Variants in GOT2 observed in about 807,000 individuals in gnomAD.
The protein encoded by GOT2 is glutamic-oxaloacetic transaminase 2.
In GOT2, 17 loss-of-function variants were observed where a neutral mutation model predicts 50.0. The ratio of observed to expected loss-of-function variants is 0.34; its 90% CI spans 0.23 to 0.51. The LOEUF (loss-of-function observed/expected upper bound fraction) is 0.51. Among genes scored for constraint, GOT2 ranks in the 20% least tolerant of loss-of-function variants. The probability of loss-of-function intolerance (pLI) is 0.97; values close to 1 mark genes in which losing one functional copy is unlikely to be tolerated. For missense variants in GOT2, 430 were observed against 559.6 expected (o/e 0.77, Z 2.34); for synonymous variants, 172 against 204.9 (o/e 0.84, Z 1.37).
chr16:58,716,727 G>C lies in GOT2; in HGVS notation c.789C>G (p.His263Gln), dbSNP rs1367401882. The C allele has an allele frequency of 6.2e-7, 1 of 1,613,968 alleles. No individual in the cohort carries two copies. The highest frequency in any genetic ancestry group is 8.5e-7 in the Non-Finnish European group (1 of 1,179,820). ...DGDKDAWAVRHFIEQGINVCL... is the reference protein window; with the variant it reads ...DGDKDAWAVRQFIEQGINVCL... ...AAACATTAATGCCCTGTTCGATGAA[G>C]TGGCGCACAGCCCAGGCATCCTTAT... is the stretch of plus-strand genomic sequence containing the variant. The change falls in exon 7 of 10, where the codon CAC becomes CAG. Residue 263 changes from histidine (H) to glutamine (Q), a missense_variant. His to Gln is a conservative substitution (Grantham distance 24). Transcript: ENST00000245206.
intron 2 of GOT2, 117 bp from the exon 3 acceptor site, chr16:58,722,395 G>A (rs1017341354): frequency 1.2e-5 from 12 of 1,006,030 alleles, no homozygotes; most frequent in African/African-American, 1.6e-5. Flanking sequence ...TTTTGAGATG[G>A]AGTTTTGCTC....
chr16:58,722,536 A>G (rs1452689724), intron 2 of GOT2, among the ~76,000 whole-genome samples: 2 of 151,710 alleles, frequency 1.3e-5, no homozygotes, highest in East Asian at 3.9e-4. Flanking sequence ...ACGCCCAGCT[A>G]ATTTTGTATT....
At chr16:58,716,631 G>T in intron 7 of GOT2, 32 bp downstream of exon 7, 1 of 1,593,958 alleles carries the variant, frequency 6.3e-7, no homozygotes, top group Non-Finnish European at 8.6e-7. Flanking sequence ...CCCAGCATGA[G>T]AGCATGTGTC....
At chr16:58,726,978 ACT>A (rs2044791188) in intron 1 of GOT2, among the ~76,000 whole-genome samples, 1 of 151,608 alleles carries the variant, frequency 6.6e-6, no homozygotes, top group Non-Finnish European at 1.5e-5. Flanking sequence ...ACACGGTGAA[ACT>A]CTGTCTCTAC....
chr16:58,713,764 T>C (rs1379652345), intron 8 of GOT2, among the ~76,000 whole-genome samples: 1 of 152,244 alleles, frequency 6.6e-6, no homozygotes, highest in Non-Finnish European at 1.5e-5. Context: ...CATGGTTTTA[T>C]GAACTCATAG....
chr16:58,718,622 T>C lies in GOT2; in HGVS notation c.502A>G (p.Ile168Val). The change falls in exon 5 of 10, where the codon ATC becomes GTC. Residue 168 changes from isoleucine to valine, a missense_variant. Ile to Val is a conservative substitution (Grantham distance 29). Coordinates refer to ENST00000245206, the MANE Select transcript of GOT2 (RefSeq NM_002080.4). ...AGCTGCATGCCAGCATCCCTGAAGA[T>C]GGGTGTGTGGTTTCCCCAGGTTGGT... is the stretch of plus-strand genomic sequence containing the variant. ...PKPTWGNHTP[I>V]FRDAGMQLQG... is the part of the protein sequence containing the mutation. 6.2e-7 allele frequency: 1 copy of C among 1,610,752 alleles called. No homozygotes were observed. Among genetic ancestry groups the C allele is most frequent in the Non-Finnish European group, 8.5e-7 (1 of 1,178,132 alleles).
intron 5 of GOT2, 52 bp from the exon 6 acceptor site, chr16:58,718,352 TTATC>T (rs773611368): frequency 1.4e-6 from 2 of 1,464,048 alleles, no homozygotes; most frequent in Non-Finnish European, 1.9e-6. Flanking sequence ...AGGAAATGGT[TTATC>T]TGAAATGCCA....
chr16:58,727,737 G>A (rs1337902778), intron 1 of GOT2, among the ~76,000 whole-genome samples: 4 of 152,194 alleles, frequency 2.6e-5, no homozygotes, highest in Non-Finnish European at 4.4e-5. Context: ...CCCAGAGGAC[G>A]TGACTTAGCA....
intron 1 of GOT2, among the ~76,000 whole-genome samples, chr16:58,730,772 G>T (rs1445922146): frequency 6.6e-6 from 1 of 152,172 alleles, no homozygotes; most frequent in Non-Finnish European, 1.5e-5. Flanking sequence ...CACACATATT[G>T]TAAGAACTCT....
chr16:58,714,912 C>T (rs373524860), intron 8 of GOT2, among the ~76,000 whole-genome samples: 1 of 151,990 alleles, frequency 6.6e-6, no homozygotes, highest in Non-Finnish European at 1.5e-5. Flanking sequence ...ATCTTTCCAC[C>T]TCAGCCTCCC....
At chr16:58,733,646 GC>G (rs1161113599) in intron 1 of GOT2, among the ~76,000 whole-genome samples, 1 of 151,962 alleles carries the variant, frequency 6.6e-6, no homozygotes, top group East Asian at 1.9e-4. Context: ...GAATGCCGGC[GC>G]CCCGGAAACC....
chr16:58,711,454 G>A (rs2044647429), intron 8 of GOT2, among the ~76,000 whole-genome samples: 1 of 152,126 alleles, frequency 6.6e-6, no homozygotes, highest in South Asian at 2.1e-4. Flanking sequence ...CCCATTTACA[G>A]TTTATCTCCC....
At chr16:58,723,449 T>C (rs1470117001) in intron 2 of GOT2, among the ~76,000 whole-genome samples, 1 of 152,184 alleles carries the variant, frequency 6.6e-6, no homozygotes, top group Non-Finnish European at 1.5e-5. Context: ...GGTCCTCTTA[T>C]GCACCTTCAG....
At chr16:58,720,350 T>C (rs756651497) in intron 3 of GOT2, among the ~76,000 whole-genome samples, 2 of 152,188 alleles carry the variant, frequency 1.3e-5, no homozygotes. Context: ...AAACAAGAAA[T>C]TACCATAGGT....
At chr16:58,731,599 T>C (rs1420191557) in intron 1 of GOT2, among the ~76,000 whole-genome samples, 1 of 152,250 alleles carries the variant, frequency 6.6e-6, no homozygotes, top group Non-Finnish European at 1.5e-5. Context: ...GCATCTTTTT[T>C]TTTCTTCATT....
rs553552237 is a variant in GOT2 at position 58,708,716 on chromosome 16, G to A, written c.1171-423C>T. Among the ~76,000 whole-genome samples the A allele has an allele frequency of 9.2e-5, 14 of 152,234 alleles. No individual in the cohort carries two copies. The South Asian group carries it at 2.9e-3, about 32-fold the overall frequency. On this transcript the variant is annotated intron_variant, in intron 9 of 9. Coordinates refer to ENST00000245206, the MANE Select transcript of GOT2 (RefSeq NM_002080.4). Reference sequence around the variant, plus strand: ...GACACCTTTAGATTCAGCAGAGCCAGGATTCAATTATGAAACAGCTATTTC... The same window carrying A: ...GACACCTTTAGATTCAGCAGAGCCAAGATTCAATTATGAAACAGCTATTTC...
At chr16:58,731,451 T>C (rs944160652) in intron 1 of GOT2, among the ~76,000 whole-genome samples, 5 of 152,224 alleles carry the variant, frequency 3.3e-5, no homozygotes, top group Admixed American at 6.5e-5. Context: ...GTCTGTGATC[T>C]TTTAACCAAT....
chr16:58,714,332 CTT>C (rs2044672977), intron 8 of GOT2, among the ~76,000 whole-genome samples: 1 of 152,088 alleles, frequency 6.6e-6, no homozygotes, highest in Non-Finnish European at 1.5e-5. Flanking sequence ...AGGTGGTTCA[CTT>C]GATGCCAGGA....
chr16:58,712,782 C>T (rs1177792062), intron 8 of GOT2, among the ~76,000 whole-genome samples: 2 of 152,132 alleles, frequency 1.3e-5, no homozygotes, highest in Admixed American at 6.6e-5. Context: ...ACCAGTCCTG[C>T]ACATACATAT....
Sources: gnomAD v4.1 joint callset for allele counts (sites outside exome capture counted in the v4.1 genomes callset) on GRCh38, gnomAD v4.1.1 for gene constraint, MANE v1.5 for transcripts, NCBI Gene and HGNC (gene_info 2026-07-23, HGNC 2026-07-21) for gene names.